Variants in SHROOM2 observed in about 807,000 individuals in gnomAD.
SHROOM2 encodes shroom family member 2, also known as protein Shroom2.
In SHROOM2, 33 loss-of-function variants were observed where a neutral mutation model predicts 75.9. The ratio of observed to expected loss-of-function variants is 0.43; its 90% CI spans 0.33 to 0.58. The LOEUF is 0.58. SHROOM2 is among the 20% of genes least tolerant of loss of function. The probability of loss-of-function intolerance (pLI) is 0.04; values close to 1 mark genes in which losing one functional copy is unlikely to be tolerated. For synonymous variants in SHROOM2, 655 were observed against 663.6 expected, an observed-to-expected ratio of 0.99 and a Z score of 0.20; for missense variants, 1,434 against 1,461.2, an observed-to-expected ratio of 0.98 and a Z score of 0.30.
In SHROOM2 at chrX:9,895,129, G is replaced by A; in HGVS notation, c.1221G>A (p.Arg407=). ...CCTCCAAGGATGGAGCTTCCAGTAG[G>A]CTGCAGGCCTCTCTGTCCAGCTCAG... ...WPPSKDGASS[R]LQASLSSSDV... The change falls in exon 4 of 10, where the codon AGG becomes AGA. Residue 407 remains arginine, a synonymous_variant. Coordinates refer to ENST00000380913, the MANE Select transcript of SHROOM2 (RefSeq NM_001649.4). 1 of 1,211,698 alleles carries A rather than the reference G, an allele frequency of 8.3e-7. No homozygotes were observed. Among genetic ancestry groups the A allele is most frequent in the South Asian group, 1.8e-5 (1 of 56,982 alleles).
chrX:9,891,892 T>TGC (rs1227607795), intron 3 of SHROOM2, among the ~76,000 whole-genome samples: 75 of 102,687 alleles, frequency 7.3e-4, no homozygotes, highest in African/African-American at 2.6e-3. Context: ...TGTGTGTGTG[T>TGC]GCGCGTGCGT....
intron 2 of SHROOM2, among the ~76,000 whole-genome samples, chrX:9,875,207 T>A (rs981737751): frequency 1.9e-5 from 2 of 107,382 alleles, no homozygotes; most frequent in African/African-American, 6.7e-5. Context: ...CAACTCTTTG[T>A]AGATCAGAAA....
Position 9,786,478 on chromosome X carries a change from T to G in SHROOM2, c.-68T>G. The G allele has an allele frequency of 1.3e-6, 1 of 789,555 alleles. No homozygotes were observed. The allele number at this position is 789,555 out of a possible 1,213,427, so 65.1% of individuals were successfully genotyped here. A position where few individuals can be genotyped will look rare whatever the true frequency, so the allele number is the denominator to read the frequency against. Reference sequence around the variant, plus strand: ...AGTTCTGCGGCGCTCGGAGCCTCCCTTGCGATCCCACGGCCGGGACTGCCC... The same window carrying G: ...AGTTCTGCGGCGCTCGGAGCCTCCCGTGCGATCCCACGGCCGGGACTGCCC... On this transcript the variant is annotated 5_prime_UTR_variant, in exon 1 of 10. Transcript: ENST00000380913.
At position 9,894,726 on chromosome X, in the gene SHROOM2, C is replaced by G. The variant is rs1167778291; in HGVS notation, c.818C>G (p.Pro273Arg). 3 of 1,209,870 alleles carry G rather than the reference C, an allele frequency of 2.5e-6. No homozygotes were observed. The highest frequency in any genetic ancestry group is 3.0e-5 in the East Asian group (1 of 33,750). ...EKLSCFPPRVPGDSGKGPRPE... is the reference protein window; with the variant it reads ...EKLSCFPPRVRGDSGKGPRPE... ...CTCAGTTGTTTCCCGCCCAGGGTCC[C>G]CGGTGACAGCGGCAAAGGCCCCAGG... The change falls in exon 4 of 10, where the codon CCC becomes CGC. Residue 273 changes from proline to arginine, a missense_variant. By Grantham distance (103) the Pro-to-Arg change is moderately radical. Around this residue, in one of 3 missense-constraint regions of SHROOM2, gnomAD observed 1,340 missense variants for 1,338.3 expected, o/e 1.00. Transcript: ENST00000380913.
chrX:9,925,241 C>T (rs1413885129), intron 5 of SHROOM2, among the ~76,000 whole-genome samples: 1 of 111,745 alleles, frequency 8.9e-6, no homozygotes, highest in Non-Finnish European at 1.9e-5. Context: ...ACCAGGTACT[C>T]GTTCGGGAGA....
intron 1 of SHROOM2, among the ~76,000 whole-genome samples, chrX:9,840,040 G>A (rs1040750031): frequency 3.6e-5 from 4 of 111,786 alleles, no homozygotes. Context: ...GAAGGGCTGT[G>A]CTGTTGATTT....
intron 5 of SHROOM2, among the ~76,000 whole-genome samples, chrX:9,915,604 G>A (rs1308865580): frequency 2.7e-5 from 3 of 111,970 alleles, no homozygotes; most frequent in African/African-American, 3.2e-5. Context: ...ACCCTTAAAT[G>A]TACTTGGAGG....
At chrX:9,885,546 G>GA (rs925152516) in intron 2 of SHROOM2, among the ~76,000 whole-genome samples, 28 of 111,310 alleles carry the variant, frequency 2.5e-4, no homozygotes, top group African/African-American at 8.8e-4. Context: ...GAAGACTTGA[G>GA]AAAAAAAGCA....
intron 5 of SHROOM2, among the ~76,000 whole-genome samples, chrX:9,930,506 C>CA (rs201521221): frequency 0.049 from 3,482 of 70,578 alleles, 83 homozygotes; most frequent in Middle Eastern, 0.11. Flanking sequence ...GACCCTGTCT[C>CA]AAAAAAAAAA....
intron 1 of SHROOM2, among the ~76,000 whole-genome samples, chrX:9,833,564 C>T (rs904224750): frequency 1.9e-5 from 2 of 106,704 alleles, no homozygotes; most frequent in African/African-American, 7.3e-5. Context: ...GGACATTGAG[C>T]GCTGAAGGAC....
chrX:9,877,301 A>G (rs938272937), intron 2 of SHROOM2, among the ~76,000 whole-genome samples: 1 of 111,382 alleles, frequency 9.0e-6, no homozygotes, highest in Non-Finnish European at 1.9e-5. Context: ...ACTTGTAACA[A>G]TCAGCCCTAC....
chrX:9,932,824 C>T lies in SHROOM2; in HGVS notation c.3541C>T (p.Leu1181=), dbSNP rs142364771. The change falls in exon 6 of 10, where the codon CTG becomes TTG. Residue 1181 remains leucine (L), a synonymous_variant. Transcript: ENST00000380913. ...SPSPQFAPQK[L]TDKPPLLIQD... The stretch of plus-strand genomic sequence containing the variant: ...CTCGCCCCAGTTCGCCCCCCAGAAA[C>T]TGACGGACAAACCTCCCCTGCTCAT... 141 of 1,202,893 alleles carry T rather than the reference C, an allele frequency of 1.2e-4. No homozygotes were observed. Among genetic ancestry groups the T allele is most frequent in the Non-Finnish European group, 1.5e-4 (134 of 893,576 alleles).
intron 1 of SHROOM2, among the ~76,000 whole-genome samples, chrX:9,816,644 C>A (rs1008715684): frequency 9.3e-6 from 1 of 108,038 alleles, no homozygotes; most frequent in African/African-American, 3.4e-5. Flanking sequence ...GAGTCTTTCA[C>A]CCTCCCTGCG....
intron 1 of SHROOM2, among the ~76,000 whole-genome samples, chrX:9,789,916 T>G (rs2083638052): frequency 8.9e-6 from 1 of 112,079 alleles, no homozygotes; most frequent in South Asian, 3.7e-4. Context: ...GGGTTGCCAT[T>G]GGGCACCAGA....
intron 5 of SHROOM2, among the ~76,000 whole-genome samples, chrX:9,924,976 GGA>G (rs919332658): frequency 9.0e-6 from 1 of 111,377 alleles, no homozygotes; most frequent in Non-Finnish European, 1.9e-5. Context: ...GTATGTCTAA[GGA>G]GAGTGTTTGG....
At chrX:9,899,634 T>C (rs992077354) in intron 5 of SHROOM2, among the ~76,000 whole-genome samples, 26 of 112,277 alleles carry the variant, frequency 2.3e-4, no homozygotes, top group African/African-American at 8.1e-4. Flanking sequence ...ATTGATATTG[T>C]GTGTGTGCTT....
chrX:9,946,100 G>A (rs907078751), intron 9 of SHROOM2, among the ~76,000 whole-genome samples: 1 of 112,900 alleles, frequency 8.9e-6, no homozygotes, highest in Non-Finnish European at 1.9e-5. Flanking sequence ...CACCGTGCCC[G>A]AGGGGGCTGC....
intron 1 of SHROOM2, among the ~76,000 whole-genome samples, chrX:9,823,175 T>C (rs867203151): frequency 3.4e-5 from 1 of 29,094 alleles, no homozygotes; most frequent in Non-Finnish European, 7.1e-5. Flanking sequence ...TTCTTCTTCT[T>C]CTTCTTCTCC....
intron 1 of SHROOM2, among the ~76,000 whole-genome samples, chrX:9,848,607 G>A (rs1240678431): frequency 2.7e-5 from 3 of 109,532 alleles, no homozygotes; most frequent in Non-Finnish European, 5.7e-5. Flanking sequence ...ACGGGGATGT[G>A]AGGAGAGGAA....
Sources: gnomAD v4.1 joint callset for allele counts (sites outside exome capture counted in the v4.1 genomes callset) on GRCh38, gnomAD v4.1.1 for gene constraint, gnomAD v4.1.1 regional missense constraint, MANE v1.5 for transcripts, NCBI Gene and HGNC (gene_info 2026-07-23, HGNC 2026-07-21) for gene names.